Variants in MAN2A1 observed in about 807,000 individuals in gnomAD.
MAN2A1 encodes mannosidase alpha class 2A member 1, also known as alpha-mannosidase 2.
A neutral mutation model predicts 142.6 loss-of-function variants in MAN2A1; 76 were observed. The ratio of observed to expected loss-of-function variants is 0.53; its 90% CI spans 0.44 to 0.65. The LOEUF (loss-of-function observed/expected upper bound fraction) is 0.65. MAN2A1 is among the 30% of genes least tolerant of loss of function. MAN2A1 has a pLI of 0.00. For synonymous variants in MAN2A1, 559 were observed against 473.2 expected, an observed-to-expected ratio of 1.18 and a Z score of -2.35; for missense variants, 1,311 against 1,365.1, an observed-to-expected ratio of 0.96 and a Z score of 0.62.
At chr5:109,859,507 C>G (rs902687997) in intron 20 of MAN2A1, among the ~76,000 whole-genome samples, 6 of 152,178 alleles carry the variant, frequency 3.9e-5, no homozygotes, top group Non-Finnish European at 7.4e-5. Flanking sequence ...TACCCATTAG[C>G]TTTCCTATTC....
chr5:109,712,629 T>G (rs1304532910), intron 1 of MAN2A1, among the ~76,000 whole-genome samples: 1 of 152,270 alleles, frequency 6.6e-6, no homozygotes, highest in Admixed American at 6.5e-5. Context: ...TTAATGTGGG[T>G]TTTTTGAGGC....
chr5:109,698,253 G>A (rs901014451), intron 1 of MAN2A1, among the ~76,000 whole-genome samples: 1 of 152,238 alleles, frequency 6.6e-6, no homozygotes, highest in African/African-American at 2.4e-5. Context: ...GGGATCCTGA[G>A]CGTTGCTCAG....
At chr5:109,712,954 A>G (rs1751344538) in intron 1 of MAN2A1, among the ~76,000 whole-genome samples, 1 of 152,240 alleles carries the variant, frequency 6.6e-6, no homozygotes, top group Admixed American at 6.5e-5. Context: ...GACACACAGT[A>G]TAGCAAAAGC....
intron 5 of MAN2A1, among the ~76,000 whole-genome samples, chr5:109,765,463 C>T (rs1359670492): frequency 6.6e-6 from 1 of 152,108 alleles, no homozygotes; most frequent in Non-Finnish European, 1.5e-5. Context: ...TATCAGGAGG[C>T]ATGTGATGTC....
intron 20 of MAN2A1, chr5:109,862,999 A>G (rs1162224288): frequency 6.6e-6 from 1 of 152,100 alleles, no homozygotes; most frequent in Admixed American, 6.5e-5. Context: ...CCCTCCCCAC[A>G]TTTTTTGTCC....
In MAN2A1 at chr5:109,853,408, G is replaced by A. The variant is rs937184792; in HGVS notation, c.2977-1732G>A. On this transcript the variant is annotated intron_variant, in intron 19 of 21. Transcript: ENST00000261483. ...GTGCCCCAACTCATTCTGTTGTGTG[G>A]TTAATTTGGGGAAACACCAACGGTT... Among the ~76,000 whole-genome samples the A allele has an allele frequency of 2.6e-5, 4 of 152,176 alleles. No homozygotes were observed. The South Asian group carries it at 8.3e-4, about 32-fold the overall frequency.
chr5:109,863,207 C>T (rs1318335221), intron 20 of MAN2A1: 1 of 152,132 alleles, frequency 6.6e-6, no homozygotes, highest in Non-Finnish European at 1.5e-5. Flanking sequence ...AATCTGAATC[C>T]AGACTTTGTT....
intron 3 of MAN2A1, 94 bp downstream of exon 3, chr5:109,716,358 T>A: frequency 2.1e-6 from 2 of 930,634 alleles, no homozygotes; most frequent in Non-Finnish European, 3.2e-6. Context: ...CTTCTCAAAT[T>A]TTTGAGACAT....
intron 4 of MAN2A1, among the ~76,000 whole-genome samples, chr5:109,736,787 A>T (rs78691566): frequency 0.022 from 3,328 of 152,006 alleles, 126 homozygotes; most frequent in African/African-American, 0.076. Context: ...CTCTTGACCT[A>T]TCTGCTTTCA....
chr5:109,712,770 G>C (rs1751337980), intron 1 of MAN2A1, among the ~76,000 whole-genome samples: 1 of 152,154 alleles, frequency 6.6e-6, no homozygotes, highest in South Asian at 2.1e-4. Context: ...AGAAATATGA[G>C]GGCCATTTGA....
At chr5:109,815,816 T>C (rs1402235664) in intron 12 of MAN2A1, among the ~76,000 whole-genome samples, 2 of 152,144 alleles carry the variant, frequency 1.3e-5, no homozygotes, top group African/African-American at 2.4e-5. Context: ...ATAGCTACAA[T>C]GTATTGGGGG....
At chr5:109,707,014 A>G (rs1561470033) in intron 1 of MAN2A1, among the ~76,000 whole-genome samples, 1 of 152,216 alleles carries the variant, frequency 6.6e-6, no homozygotes. Flanking sequence ...TGAAAATAAT[A>G]GTCTCTTGAG....
chr5:109,832,465 A>G (rs1054712473), intron 16 of MAN2A1, among the ~76,000 whole-genome samples: 3 of 152,094 alleles, frequency 2.0e-5, no homozygotes, highest in Non-Finnish European at 4.4e-5. Context: ...GACACAGCAC[A>G]TGTTTCAGAG....
chr5:109,776,905 G>C (rs941375269), intron 8 of MAN2A1, among the ~76,000 whole-genome samples: 1 of 152,094 alleles, frequency 6.6e-6, no homozygotes, highest in Non-Finnish European at 1.5e-5. Flanking sequence ...CATCCATTCT[G>C]TTGCAGGTAG....
At chr5:109,707,622 C>T (rs1428483052) in intron 1 of MAN2A1, among the ~76,000 whole-genome samples, 1 of 152,114 alleles carries the variant, frequency 6.6e-6, no homozygotes, top group Non-Finnish European at 1.5e-5. Context: ...CTGTTTTAGA[C>T]TGGCTGGGGA....
chr5:109,851,927 A>G (rs1177534634), intron 19 of MAN2A1, among the ~76,000 whole-genome samples: 2 of 152,056 alleles, frequency 1.3e-5, no homozygotes, highest in African/African-American at 4.8e-5. Flanking sequence ...TTTAAGGGTA[A>G]ATACTTAGGT....
At chr5:109,773,198 C>T (rs1027946565) in intron 7 of MAN2A1, among the ~76,000 whole-genome samples, 1 of 152,168 alleles carries the variant, frequency 6.6e-6, no homozygotes, top group Non-Finnish European at 1.5e-5. Flanking sequence ...TGTCTTCTTC[C>T]TGCCAGGCGT....
At chr5:109,836,465 C>T (rs1273019369) in intron 16 of MAN2A1, among the ~76,000 whole-genome samples, 1 of 152,128 alleles carries the variant, frequency 6.6e-6, no homozygotes, top group African/African-American at 2.4e-5. Context: ...TTTTGGTTTC[C>T]TTAGACTGGT....
chr5:109,706,578 A>T (rs187577508), intron 1 of MAN2A1, among the ~76,000 whole-genome samples: 2 of 152,220 alleles, frequency 1.3e-5, no homozygotes, highest in South Asian at 2.1e-4. Context: ...ACAGGAGCCA[A>T]TGCTTAGCCA....
Sources: allele counts gnomAD v4.1 joint callset (sites outside exome capture counted in the v4.1 genomes callset), GRCh38; gene constraint gnomAD v4.1.1; transcripts MANE v1.5; gene names NCBI Gene and HGNC (gene_info 2026-07-23, HGNC 2026-07-21).